Variants in PTPN20 observed in about 807,000 individuals in gnomAD.
PTPN20 encodes protein tyrosine phosphatase non-receptor type 20.
PTPN20 carries 9 observed loss-of-function variants against 35.0 expected under a neutral mutation model. That is an observed-to-expected ratio of 0.26 (90% CI 0.15 to 0.45). The LOEUF (loss-of-function observed/expected upper bound fraction) is 0.45, where lower values mean the gene tolerates loss of function less well. Among genes scored for constraint, PTPN20 ranks in the 20% least tolerant of loss-of-function variants. The probability of loss-of-function intolerance (pLI) is 1.00; values close to 1 mark genes in which losing one functional copy is unlikely to be tolerated. For synonymous variants in PTPN20, 32 were observed against 100.2 expected (o/e 0.32, Z 4.06); for missense variants, 111 against 312.5 (o/e 0.36, Z 4.86).
At chr10:46,930,465 C>T (rs1208248875) in intron 1 of PTPN20, among the ~76,000 whole-genome samples, 4 of 150,528 alleles carry the variant, frequency 2.7e-5, no homozygotes, top group African/African-American at 4.9e-5. Context: ...TAGGCAGAAG[C>T]TTAGGTGTCA....
At chr10:46,949,221 C>T (rs2045941362) in intron 5 of PTPN20, among the ~76,000 whole-genome samples, 2 of 152,198 alleles carry the variant, frequency 1.3e-5, no homozygotes, top group African/African-American at 4.8e-5. Context: ...GTTTCCTGCT[C>T]TGCTCTCAGT....
intron 9 of PTPN20, among the ~76,000 whole-genome samples, chr10:46,994,518 T>G (rs1247628700): frequency 6.6e-6 from 1 of 151,854 alleles, no homozygotes; most frequent in African/African-American, 2.4e-5. Flanking sequence ...ATTTTTTTAG[T>G]AGAGACGGGG....
intron 9 of PTPN20, among the ~76,000 whole-genome samples, chr10:46,998,683 G>C (rs1037176341): frequency 1.3e-5 from 2 of 152,108 alleles, no homozygotes; most frequent in Admixed American, 1.3e-4. Flanking sequence ...GGTGAAATCT[G>C]AATTAAGCTT....
chr10:46,966,407 G>A (rs1555160297), intron 6 of PTPN20, among the ~76,000 whole-genome samples: 2 of 152,112 alleles, frequency 1.3e-5, no homozygotes, highest in South Asian at 2.1e-4. Flanking sequence ...TGGGTTTGGG[G>A]CTTTCTGTGC....
At chr10:46,945,433 A>C (rs1555140256) in intron 4 of PTPN20, among the ~76,000 whole-genome samples, 1 of 152,210 alleles carries the variant, frequency 6.6e-6, no homozygotes. Flanking sequence ...GAATTTTCTT[A>C]CAGAAGTAAA....
At chr10:46,915,795 C>A (rs2032851702) in intron 1 of PTPN20, among the ~76,000 whole-genome samples, 1 of 51,546 alleles carries the variant, frequency 1.9e-5, no homozygotes, top group Non-Finnish European at 3.4e-5. Context: ...GCCAAGATGG[C>A]ACCACTGCAC....
At chr10:46,997,959 A>C (rs1236158639) in intron 9 of PTPN20, among the ~76,000 whole-genome samples, 1 of 152,194 alleles carries the variant, frequency 6.6e-6, no homozygotes, top group Non-Finnish European at 1.5e-5. Flanking sequence ...AATTATGTGA[A>C]GATTTGGAGA....
At chr10:46,964,555 G>A (rs2050228769) in intron 5 of PTPN20, among the ~76,000 whole-genome samples, 1 of 149,052 alleles carries the variant, frequency 6.7e-6, no homozygotes, top group South Asian at 2.2e-4. Flanking sequence ...TCAGAGTAAT[G>A]AAACAGGACG....
chr10:46,993,752 G>C (rs2058476192), intron 9 of PTPN20, among the ~76,000 whole-genome samples: 1 of 152,124 alleles, frequency 6.6e-6, no homozygotes, highest in Admixed American at 6.5e-5. Context: ...TCTCTTAATA[G>C]GTTGCTGTAG....
intron 5 of PTPN20, among the ~76,000 whole-genome samples, chr10:46,947,588 G>T (rs1555142434): frequency 1.3e-5 from 2 of 151,514 alleles, no homozygotes; most frequent in African/African-American, 4.9e-5. Context: ...CACAATCAAG[G>T]TATAGTACAT....
At chr10:47,002,535 G>C (rs1460192871), downstream of PTPN20, 1 of 151,970 alleles carries the variant, frequency 6.6e-6, no homozygotes, top group Non-Finnish European at 1.5e-5. Flanking sequence ...GAATGCCAAA[G>C]TGAAAACTTT....
intron 2 of PTPN20, among the ~76,000 whole-genome samples, chr10:46,939,841 A>G (rs1434619427): frequency 1.3e-5 from 2 of 150,942 alleles, no homozygotes; most frequent in Admixed American, 1.3e-4. Context: ...AAGGTTCATA[A>G]TTTCTATTAG....
chr10:46,937,938 T>C (rs1373704474), intron 2 of PTPN20, among the ~76,000 whole-genome samples: 2 of 135,172 alleles, frequency 1.5e-5, no homozygotes, highest in African/African-American at 3.0e-5. Context: ...TCTTCTTTTT[T>C]CTTTTTCTTT....
intron 2 of PTPN20, among the ~76,000 whole-genome samples, chr10:46,937,747 A>G (rs1367679892): frequency 6.6e-6 from 1 of 152,030 alleles, no homozygotes; most frequent in Admixed American, 6.6e-5. Flanking sequence ...AAAATTTATA[A>G]TAGTTAAAAG....
chr10:46,992,361 G>T, intron 9 of PTPN20, among the ~76,000 whole-genome samples: 1 of 152,090 alleles, frequency 6.6e-6, no homozygotes, highest in Middle Eastern at 3.4e-3. Flanking sequence ...GGCCCCAAGA[G>T]ATCCTCCCAC....
At chr10:46,977,275 T>A (rs1172195699) in intron 7 of PTPN20, among the ~76,000 whole-genome samples, 2 of 152,416 alleles carry the variant, frequency 1.3e-5, no homozygotes, top group East Asian at 3.9e-4. Flanking sequence ...CCTGCAGATA[T>A]TGACTTGCCA....
At chr10:47,003,323 C>G (rs1349235195), downstream of PTPN20, among the ~76,000 whole-genome samples, 1 of 151,998 alleles carries the variant, frequency 6.6e-6, no homozygotes, top group African/African-American at 2.4e-5. Context: ...AAAACAATAC[C>G]TCCTGTTAGC....
intron 9 of PTPN20, among the ~76,000 whole-genome samples, chr10:46,996,113 G>A (rs1288952201): frequency 6.6e-6 from 1 of 151,986 alleles, no homozygotes; most frequent in African/African-American, 2.4e-5. Context: ...TATTTTTTAT[G>A]TAAATTACAA....
At chr10:46,976,829 T>C (rs2053806277) in intron 7 of PTPN20, among the ~76,000 whole-genome samples, 2 of 145,048 alleles carry the variant, frequency 1.4e-5, no homozygotes, top group Non-Finnish European at 3.0e-5. Flanking sequence ...TCTGTAGTTT[T>C]GCAAGTACTT....
Sources: allele counts gnomAD v4.1 joint callset (sites outside exome capture counted in the v4.1 genomes callset), GRCh38; gene constraint gnomAD v4.1.1; transcripts MANE v1.5; gene names NCBI Gene and HGNC (gene_info 2026-07-23, HGNC 2026-07-21).